The following PCDH1 variants were observed in gnomAD, a reference collection of about 807,000 sequenced individuals.
PCDH1 encodes protocadherin-1.
Under a neutral mutation model 74.6 loss-of-function variants are expected in PCDH1, and 23 were observed. The ratio of observed to expected loss-of-function variants is 0.31; its 90% CI spans 0.22 to 0.44. PCDH1 has a LOEUF of 0.44. PCDH1 is among the 20% of genes least tolerant of loss of function. The pLI is 1.00. For missense variants in PCDH1, 1,214 were observed against 1,641.4 expected, an observed-to-expected ratio of 0.74 and a Z score of 4.50; for synonymous variants, 647 against 686.1, an observed-to-expected ratio of 0.94 and a Z score of 0.89.
intron 1 of PCDH1, among the ~76,000 whole-genome samples, chr5:141,874,323 T>C (rs1232597076): frequency 1.3e-5 from 2 of 152,204 alleles, no homozygotes; most frequent in Admixed American, 1.3e-4. Context: ...TCCCCAGCAG[T>C]TGGGCACTGG....
chr5:141,874,963 G>C (rs1324115010), intron 1 of PCDH1, among the ~76,000 whole-genome samples: 15 of 152,078 alleles, frequency 9.9e-5, no homozygotes, highest in Admixed American at 9.8e-4. Context: ...AGCCTCTGCA[G>C]GGCTTCTGGG....
intron 1 of PCDH1, among the ~76,000 whole-genome samples, chr5:141,877,878 T>C (rs1016842203): frequency 3.9e-5 from 6 of 152,138 alleles, no homozygotes; most frequent in Admixed American, 2.6e-4. Flanking sequence ...CCCACCAAAC[T>C]GGGGGCCGCG....
At chr5:141,857,199 T>C (rs959747815) in intron 4 of PCDH1, 53 bp downstream of exon 4, 79 of 1,412,934 alleles carry the variant, frequency 5.6e-5, no homozygotes, top group Non-Finnish European at 6.9e-5. Context: ...TTGTCACCAT[T>C]CCCAGGCTTC....
In PCDH1 at chr5:141,865,339, C is replaced by T. The variant is rs755355364; in HGVS notation, c.992G>A (p.Arg331Gln). The change falls in exon 3 of 5, where the codon CGA becomes CAA. Residue 331 changes from arginine to glutamine, a missense_variant. By Grantham distance (43) the Arg-to-Gln change is conservative. Around this residue, in one of 4 missense-constraint regions of PCDH1, gnomAD observed 836 missense variants for 1,182.2 expected, o/e 0.71. Transcript: ENST00000287008. The surrounding 1 kb of genome is among the most constrained non-coding windows in gnomAD (Gnocchi z 4.4). ...GATAAGTCCAGTGTTCCTGTCCAGT[C>T]GAAGAAGACGCCTCACAACTTCGGG... ...QAPEVVRRLLRLDRNTGLITV... is the reference protein window; with the variant it reads ...QAPEVVRRLLQLDRNTGLITV... 15 of 1,614,000 alleles carry T rather than the reference C, an allele frequency of 9.3e-6. No individual in the cohort carries two copies. In the African/African-American group the frequency reaches 1.3e-4, roughly 14 times the overall value.
intron 2 of PCDH1, chr5:141,867,572 T>C: frequency 2.2e-6 from 1 of 455,168 alleles, no homozygotes; most frequent in South Asian, 1.6e-5. Context: ...TCTGTCTCCC[T>C]TTTCTTTCTC....
rs369689993 is a variant in PCDH1, at chr5:141,863,771, G to A, written c.2560C>T (p.Leu854Phe). The change falls in exon 3 of 5, where the codon CTC (leucine) becomes TTC (phenylalanine). Residue 854 changes from leucine (L) to phenylalanine (F), a missense_variant. Coordinates refer to ENST00000287008, the MANE Select transcript of PCDH1 (RefSeq NM_032420.5). The surrounding 1 kb of genome is among the most constrained non-coding windows in gnomAD (Gnocchi z 7.5). ...ACCACACCAGCCACCACACCAAAGA[G>A]AATGTTGCCACGCTGCTTGGAGCGC... is the stretch of plus-strand genomic sequence containing the variant. ...YERSKQRGNI[L>F]FGVVAGVVAV... 89 of 1,614,064 alleles carry A rather than the reference G, an allele frequency of 5.5e-5. No homozygotes were observed. Among genetic ancestry groups the A allele is most frequent in the Non-Finnish European group, 7.2e-5 (85 of 1,180,040 alleles).
At chr5:141,873,508 G>A (rs1317919384) in intron 1 of PCDH1, among the ~76,000 whole-genome samples, 6 of 150,350 alleles carry the variant, frequency 4.0e-5, no homozygotes, top group Non-Finnish European at 8.9e-5. Flanking sequence ...GTGCAGGGGC[G>A]CGATCCCGGC....
Position 141,863,552 on chromosome 5 carries a change from C to T in PCDH1, c.2779G>A (p.Asp927Asn), listed in dbSNP as rs563810727. The stretch of plus-strand genomic sequence containing the variant: ...TTCTGCAGCCCGGCCTCATCCTCGT[C>T]CTCCACTGGCTTCACGGGCTTTGGG... ...KSPKPVKPVEDEDEAGLQKSL... is the reference protein window; with the variant it reads ...KSPKPVKPVENEDEAGLQKSL... The change falls in exon 3 of 5, where the codon GAC (aspartate) becomes AAC (asparagine). Residue 927 changes from aspartate (D) to asparagine (N), a missense_variant. Physicochemically the swap from Asp to Asn is conservative, Grantham distance 23. Coordinates refer to ENST00000287008, the MANE Select transcript of PCDH1 (RefSeq NM_032420.5). This position sits in a 1 kb window ranked among gnomAD's most constrained non-coding sequence, Gnocchi z 7.5. 1 of 1,614,174 alleles carries T rather than the reference C, an allele frequency of 6.2e-7. No individual in the cohort carries two copies. Among genetic ancestry groups the T allele is most frequent in the South Asian group, 1.1e-5 (1 of 91,090 alleles).
intron 2 of PCDH1, chr5:141,866,095 T>A (rs1752817254): frequency 2.0e-6 from 2 of 985,420 alleles, no homozygotes; most frequent in African/African-American, 3.5e-5. Flanking sequence ...GGCCCCAGGT[T>A]GGGGGATTTC....
At position 141,875,200 on chromosome 5, in the gene PCDH1, T is replaced by C. The variant is rs189925487; in HGVS notation, c.40+3023A>G. On this transcript the variant is annotated intron_variant, in intron 1 of 4. Transcript: ENST00000287008. ...TTACATGTAAAGGACAAATCATTTT[T>C]TTTTCTAAGTCTTCTAATTGCTGAA... Among the ~76,000 whole-genome samples, 9 of 152,322 alleles carry C rather than the reference T, an allele frequency of 5.9e-5. No individual in the cohort carries two copies. The East Asian group carries it at 1.7e-3, about 29-fold the overall frequency.
Position 141,868,352 on chromosome 5 carries a change from C to G in PCDH1, c.903+217G>C, listed in dbSNP as rs1311351896. ...GGGGTCACGGGAAACTGTTCATATG[C>G]TATTTCACTGTCACCTAAGTAGCCT... On this transcript the variant is annotated intron_variant, in intron 2 of 4. Transcript: ENST00000287008. This position sits in a 1 kb window ranked among gnomAD's most constrained non-coding sequence, Gnocchi z 4.8. 18 of 1,272,718 alleles carry G rather than the reference C, an allele frequency of 1.4e-5. No homozygotes were observed. The highest frequency in any genetic ancestry group is 1.7e-5 in the Non-Finnish European group (17 of 994,952). 78.8% of individuals were successfully genotyped at this position (1,272,718 alleles called of 1,614,324 possible).
chr5:141,869,428 AG>A lies in PCDH1; in HGVS notation c.43del (p.Leu15SerfsTer2). The A allele has an allele frequency of 6.3e-7, 1 of 1,596,674 alleles. No individual in the cohort carries two copies. On this transcript the variant is annotated frameshift_variant and splice_region_variant, in exon 2 of 5. Coordinates refer to ENST00000287008, the MANE Select transcript of PCDH1 (RefSeq NM_032420.5). LOFTEE classifies it high-confidence loss of function. The surrounding 1 kb of genome is among the most constrained non-coding windows in gnomAD (Gnocchi z 4.9). ...AGGRRCPEAA[L>X]LILGPPRMEH... ...CATCCTGGGAGGCCCCAGAATCAGGAGGGCTGCAAGGGGAAGAGGCAAAACA... is the reference window on the plus strand; with the variant it reads ...CATCCTGGGAGGCCCCAGAATCAGGAGGCTGCAAGGGGAAGAGGCAAAACA...
Position 141,863,782 on chromosome 5 carries a change from C to T in PCDH1, c.2549G>A (p.Arg850His), listed in dbSNP as rs756852838. 122 of 1,614,074 alleles carry T rather than the reference C, an allele frequency of 7.6e-5. No individual in the cohort carries two copies. Among genetic ancestry groups the T allele is most frequent in the Non-Finnish European group, 9.2e-5 (109 of 1,180,040 alleles). Reference sequence around the variant, plus strand: ...CACCACACCAAAGAGAATGTTGCCACGCTGCTTGGAGCGCTCATATTCTGG... The same window carrying T: ...CACCACACCAAAGAGAATGTTGCCATGCTGCTTGGAGCGCTCATATTCTGG... ...GDPEYERSKQ[R>H]GNILFGVVAG... Residue 850 changes from arginine to histidine, a missense_variant, in exon 3 of 5, where the codon CGT becomes CAT. Arg to His is a conservative substitution (Grantham distance 29). This residue lies in a region of PCDH1 where 836 missense variants were observed against 1,182.2 expected (regional missense o/e 0.71). Coordinates refer to ENST00000287008, the MANE Select transcript of PCDH1 (RefSeq NM_032420.5). The surrounding 1 kb of genome is among the most constrained non-coding windows in gnomAD (Gnocchi z 7.5).
intron 4 of PCDH1, chr5:141,856,381 G>A (rs1363617557): frequency 2.4e-6 from 2 of 821,118 alleles, no homozygotes; most frequent in Non-Finnish European, 4.0e-6. Flanking sequence ...CGGGAGGTTA[G>A]ACAAGGGCCC....
intron 1 of PCDH1, among the ~76,000 whole-genome samples, chr5:141,873,293 ATTTTTTTTTTTTTTTTTTTGTATTTTAG>A (rs1276734601): frequency 1.6e-5 from 2 of 123,528 alleles, no homozygotes; most frequent in African/African-American, 5.9e-5. Context: ...GCCCGGCTAA[ATTTTTTTTTTTTTTTTTTTGTATTTTAG>A]TAGAGACGGG....
intron 2 of PCDH1, among the ~76,000 whole-genome samples, chr5:141,866,466 G>A (rs1372833075): frequency 6.6e-6 from 1 of 152,342 alleles, no homozygotes; most frequent in South Asian, 2.1e-4. Context: ...TGGCCATGGG[G>A]TACTACTGGG....
rs764060929 is a variant in PCDH1, at chr5:141,863,378, G to A, written c.2953C>T (p.Pro985Ser). ...ACCTGGTGCTTCTTGGAGGCTGAGGGTGACTGGGGCTGCAGCTGGATGGAA... is the reference window on the plus strand; with the variant it reads ...ACCTGGTGCTTCTTGGAGGCTGAGGATGACTGGGGCTGCAGCTGGATGGAA... ...LPSIQLQPQSPSASKKHQVVQ... is the reference protein window; with the variant it reads ...LPSIQLQPQSSSASKKHQVVQ... The change falls in exon 3 of 5, where the codon CCC becomes TCC. Residue 985 changes from proline (P) to serine (S), a missense_variant. Transcript: ENST00000287008. This position sits in a 1 kb window ranked among gnomAD's most constrained non-coding sequence, Gnocchi z 7.5. 6.4e-7 allele frequency: 1 copy of A among 1,550,768 alleles called. No individual in the cohort carries two copies. The highest frequency in any genetic ancestry group is 8.7e-7 in the Non-Finnish European group (1 of 1,147,310).
intron 4 of PCDH1, chr5:141,856,395 G>A (rs1044715490): frequency 2.6e-6 from 2 of 768,058 alleles, no homozygotes; most frequent in Admixed American, 2.1e-5. Flanking sequence ...AGGGCCCTGT[G>A]CCTGAGGCAG....
chr5:141,862,834 G>C, intron 3 of PCDH1: 1 of 1,083,106 alleles, frequency 9.2e-7, no homozygotes, highest in Non-Finnish European at 1.1e-6. Flanking sequence ...TTCCCTCCTA[G>C]AGAAGCACCT....
Sources: gnomAD v4.1 joint callset for allele counts (sites outside exome capture counted in the v4.1 genomes callset) on GRCh38, gnomAD v4.1.1 for gene constraint, gnomAD v4.1.1 regional missense constraint, Gnocchi (gnomAD v3.1) non-coding constraint, MANE v1.5 for transcripts, NCBI Gene and HGNC (gene_info 2026-07-23, HGNC 2026-07-21) for gene names.